The following EIF4G3 variants were observed in gnomAD, a reference collection of about 807,000 sequenced individuals.
EIF4G3 encodes eIF-4-gamma 3.
Under a neutral mutation model 186.4 loss-of-function variants are expected in EIF4G3, and 34 were observed. That is an observed-to-expected ratio of 0.18 (90% CI 0.14 to 0.24). The LOEUF (loss-of-function observed/expected upper bound fraction) is 0.24. Among genes scored for constraint, EIF4G3 ranks in the 10% least tolerant of loss-of-function variants. The pLI is 1.00. For synonymous variants in EIF4G3, 673 were observed against 679.5 expected (o/e 0.99, Z 0.15); for missense variants, 1,536 against 1,948.5 (o/e 0.79, Z 3.99).
intron 18 of EIF4G3, among the ~76,000 whole-genome samples, chr1:20,888,902 C>T (rs879670471): frequency 5.3e-5 from 8 of 151,528 alleles, no homozygotes; most frequent in Non-Finnish European, 1.2e-4. Flanking sequence ...ACTAAACACA[C>T]AAAAAATCTA....
intron 4 of EIF4G3, among the ~76,000 whole-genome samples, chr1:21,050,031 G>T (rs1480796627): frequency 6.6e-6 from 1 of 151,864 alleles, no homozygotes; most frequent in Admixed American, 6.6e-5. Context: ...TCTCTAAAAG[G>T]CCTAAAATAT....
chr1:20,851,521 A>G, intron 27 of EIF4G3, 43 bp from the exon 28 acceptor site: 1 of 1,577,600 alleles, frequency 6.3e-7, no homozygotes. Flanking sequence ...AGACAAGCCC[A>G]TGTCCCCCAC....
intron 14 of EIF4G3, among the ~76,000 whole-genome samples, chr1:20,914,775 G>T (rs1254701945): frequency 6.6e-6 from 1 of 152,128 alleles, no homozygotes; most frequent in African/African-American, 2.4e-5. Context: ...ATTTTCCAGA[G>T]ATATTTTTCT....
chr1:20,831,413 A>T (rs1038729180), intron 30 of EIF4G3, among the ~76,000 whole-genome samples: 1 of 151,796 alleles, frequency 6.6e-6, no homozygotes, highest in African/African-American at 2.4e-5. Flanking sequence ...CCAAAACCAG[A>T]AAGGCCAGAA....
intron 3 of EIF4G3, among the ~76,000 whole-genome samples, chr1:21,062,226 T>A (rs1269358841): frequency 4.0e-5 from 6 of 151,704 alleles, no homozygotes; most frequent in African/African-American, 1.5e-4. Context: ...ACTGGGCTAA[T>A]TTGTTTTATT....
At chr1:21,171,961 CGA>C (rs2097983922) in intron 2 of EIF4G3, among the ~76,000 whole-genome samples, 1 of 151,982 alleles carries the variant, frequency 6.6e-6, no homozygotes. Context: ...AAGGATATTA[CGA>C]GATGCACTGG....
intron 3 of EIF4G3, among the ~76,000 whole-genome samples, chr1:21,053,139 C>T (rs1480139019): frequency 4.6e-5 from 7 of 151,418 alleles, no homozygotes; most frequent in Non-Finnish European, 8.8e-5. Context: ...AAGTGAGGAG[C>T]GTCTCTGCCA....
At chr1:20,978,718 T>G (rs1328264455) in intron 10 of EIF4G3, among the ~76,000 whole-genome samples, 4 of 150,974 alleles carry the variant, frequency 2.6e-5, no homozygotes, top group Non-Finnish European at 4.4e-5. Flanking sequence ...TATAGGGTAC[T>G]ATGTGAGGTT....
chr1:20,813,142 C>G lies in EIF4G3; in HGVS notation c.4597+16G>C, dbSNP rs1365609123. On this transcript the variant is annotated intron_variant, in intron 35 of 36. Coordinates refer to ENST00000602326, the MANE Select transcript of EIF4G3 (RefSeq NM_001391906.1). ...GATTTCAGATGTTATGAGCTGCCTT[C>G]AGAAATGTTACTTACCTATAATAGC... The G allele has an allele frequency of 6.4e-7, 1 of 1,571,426 alleles. No homozygotes were observed. Among genetic ancestry groups the G allele is most frequent in the Non-Finnish European group, 8.8e-7 (1 of 1,142,048 alleles).
At chr1:21,151,594 A>T (rs1368333808) in intron 2 of EIF4G3, among the ~76,000 whole-genome samples, 1 of 152,004 alleles carries the variant, frequency 6.6e-6, no homozygotes, top group African/African-American at 2.4e-5. Context: ...CCAATGTCCT[A>T]TCACTAGGCC....
chr1:21,125,771 T>TACACACAC (rs59291288), intron 2 of EIF4G3, among the ~76,000 whole-genome samples: 74 of 146,174 alleles, frequency 5.1e-4, no homozygotes, highest in African/African-American at 1.9e-3. Context: ...TATATATATA[T>TACACACAC]ACACACACAC....
intron 3 of EIF4G3, among the ~76,000 whole-genome samples, chr1:21,065,845 G>A (rs567829953): frequency 2.6e-5 from 4 of 152,242 alleles, no homozygotes; most frequent in South Asian, 2.1e-4. Context: ...GCCAGTAAGT[G>A]TAAGACAGTT....
At position 21,165,315 on chromosome 1, in the gene EIF4G3, G is replaced by GC. The variant is rs1382361469; in HGVS notation, c.-272+10859dup. Among the ~76,000 whole-genome samples, 5 of 152,256 alleles carry GC rather than the reference G, an allele frequency of 3.3e-5. No homozygotes were observed. The East Asian group carries it at 5.8e-4, about 18-fold the overall frequency. On this transcript the variant is annotated intron_variant, in intron 2 of 36. Coordinates refer to ENST00000602326, the MANE Select transcript of EIF4G3 (RefSeq NM_001391906.1). ...ACATGGAGTTACCTCATATAACCCA[G>GC]CAACTATACCCCAAGGTATATACTC...
At chr1:20,990,193 A>T (rs946999704) in intron 7 of EIF4G3, among the ~76,000 whole-genome samples, 8 of 150,508 alleles carry the variant, frequency 5.3e-5, no homozygotes, top group South Asian at 2.1e-4. Context: ...CAAATAAATT[A>T]AAAAAAAGAA....
chr1:21,096,656 G>A (rs1259050725), intron 2 of EIF4G3, among the ~76,000 whole-genome samples: 3 of 152,132 alleles, frequency 2.0e-5, no homozygotes. Context: ...AAATTCCTCT[G>A]GACATAGATG....
chr1:21,086,938 CA>C (rs71014153), intron 3 of EIF4G3, among the ~76,000 whole-genome samples: 265 of 76,496 alleles, frequency 3.5e-3, no homozygotes, highest in African/African-American at 7.2e-3. Context: ...GATTCCTTCT[CA>C]AAAAAAAAAA....
At position 20,862,085 on chromosome 1, in the gene EIF4G3, C is replaced by T. The variant is rs74469451; in HGVS notation, c.3111+143G>A. On this transcript the variant is annotated intron_variant, in intron 23 of 36. Coordinates refer to ENST00000602326, the MANE Select transcript of EIF4G3 (RefSeq NM_001391906.1). ...TTTGTCCCTTCTCAGAACTCTCCCA[C>T]GGAAAGTTTGCCAATCCAAATTCTG... 9.0e-5 allele frequency: 47 copies of T among 521,920 alleles called. No homozygotes were observed. The East Asian group carries it at 9.4e-4, about 10-fold the overall frequency. The allele number at this position is 521,920 out of a possible 1,614,324, so 32.3% of individuals were successfully genotyped here. A position where few individuals can be genotyped will look rare whatever the true frequency, so the allele number is the denominator to read the frequency against.
At chr1:21,135,979 C>A (rs1473813949) in intron 2 of EIF4G3, among the ~76,000 whole-genome samples, 1 of 150,886 alleles carries the variant, frequency 6.6e-6, no homozygotes. Flanking sequence ...GTCAGGAGAT[C>A]GAGACCATCC....
At position 20,829,166 on chromosome 1, in the gene EIF4G3, A is replaced by T; in HGVS notation, c.4168T>A (p.Ser1390Thr). 6.2e-7 allele frequency: 1 copy of T among 1,613,924 alleles called. No individual in the cohort carries two copies. The highest frequency in any genetic ancestry group is 1.7e-4 in the Middle Eastern group (1 of 6,058). The change falls in exon 31 of 37, where the codon TCC becomes ACC. Residue 1390 changes from serine to threonine, a missense_variant. By Grantham distance (58) the Ser-to-Thr change is moderately conservative (BLOSUM62 1). Around this residue, in one of 11 missense-constraint regions of EIF4G3, gnomAD observed 395 missense variants for 498.9 expected, o/e 0.79. Transcript: ENST00000602326. ...VTPMLKEGGI[S>T]MRELTIEFSK... is the part of the protein sequence containing the mutation. ...ACTTACATGGTAAGTTCTCTCATGG[A>T]GATTCCACCTTCTTTTAACATGGGG...
Sources: gnomAD v4.1 joint callset for allele counts (sites outside exome capture counted in the v4.1 genomes callset) on GRCh38, gnomAD v4.1.1 for gene constraint, gnomAD v4.1.1 regional missense constraint, MANE v1.5 for transcripts, NCBI Gene and HGNC (gene_info 2026-07-23, HGNC 2026-07-21) for gene names.